The following ZNF512B variants were observed in gnomAD, a reference collection of about 807,000 sequenced individuals.
The protein encoded by ZNF512B is zinc finger protein 512B.
Under a neutral mutation model 87.8 loss-of-function variants are expected in ZNF512B, and 22 were observed. The observed-to-expected ratio is 0.25, with a 90% CI of 0.18 to 0.36. The LOEUF (loss-of-function observed/expected upper bound fraction) is 0.36. Ranked by LOEUF, ZNF512B falls within the 10% of genes least tolerant of loss-of-function variation. The pLI, the probability that ZNF512B is intolerant of heterozygous loss-of-function variation, is 1.00. For missense variants in ZNF512B, 1,060 were observed against 1,231.6 expected (o/e 0.86, Z 2.09); for synonymous variants, 524 against 490.9 (o/e 1.07, Z -0.89).
At position 63,959,894 on chromosome 20, in the gene ZNF512B, T is replaced by C; in HGVS notation, c.2673A>G (p.Glu891=). The change falls in exon 17 of 17, where the codon GAA becomes GAG. Residue 891 remains glutamate, a synonymous_variant. Coordinates refer to ENST00000369888, the MANE Select transcript of ZNF512B (RefSeq NM_020713.3). Reference sequence around the variant, plus strand: ...CAGGCCCCACGCACCATGCTCACTTTTCAGGCGCCTTGCTGACTCCCACCT... The same window carrying C: ...CAGGCCCCACGCACCATGCTCACTTCTCAGGCGCCTTGCTGACTCCCACCT... The part of the protein sequence containing the change: ...GRKVGVSKAP[E]K 3 of 1,585,796 alleles carry C rather than the reference T, an allele frequency of 1.9e-6. No homozygotes were observed. The highest frequency in any genetic ancestry group is 1.7e-6 in the Non-Finnish European group (2 of 1,170,310).
intron 12 of ZNF512B, 45 bp from the exon 13 acceptor site, chr20:63,962,826 AAG>A: frequency 6.5e-7 from 1 of 1,536,982 alleles, no homozygotes; most frequent in Non-Finnish European, 8.8e-7. Flanking sequence ...CCGCGGGAGC[AAG>A]AGTCAGGTCA....
chr20:63,960,008 T>G lies in ZNF512B; in HGVS notation c.2559A>C (p.Pro853=). 6.2e-7 allele frequency: 1 copy of G among 1,613,448 alleles called. No individual in the cohort carries two copies. The highest frequency in any genetic ancestry group is 8.5e-7 in the Non-Finnish European group (1 of 1,180,020). Residue 853 remains proline (P), a synonymous_variant, in exon 17 of 17, where the codon CCA becomes CCC. Coordinates refer to ENST00000369888, the MANE Select transcript of ZNF512B (RefSeq NM_020713.3). ...GGGGCAGCTTGGCCACAGGCTCCTC[T>G]GGGGTCCGCTCCTTGGGCTTTCGGC... ...KRGRKPKERT[P]EEPVAKLPPR...
Position 63,962,981 on chromosome 20 carries a change from G to A in ZNF512B, c.1968+114C>T, listed in dbSNP as rs1199857408. On this transcript the variant is annotated intron_variant, in intron 12 of 16. Coordinates refer to ENST00000369888, the MANE Select transcript of ZNF512B (RefSeq NM_020713.3). The stretch of plus-strand genomic sequence containing the variant: ...ACACACGTCTCTTACAGAGAGGGGT[G>A]GGAAACACACGCGTTGGGCGGTACA... The A allele has an allele frequency of 4.4e-6, 6 of 1,366,452 alleles. No homozygotes were observed. In the African/African-American group the frequency reaches 8.7e-5, roughly 20 times the overall value. 84.6% of individuals were successfully genotyped at this position (1,366,452 alleles called of 1,614,324 possible).
Position 63,969,876 on chromosome 20 carries a change from G to A in ZNF512B, c.-65C>T, listed in dbSNP as rs969205514. On this transcript the variant is annotated 5_prime_UTR_variant, in exon 1 of 17. Transcript: ENST00000369888. Reference sequence around the variant, plus strand: ...GGCCGGGGCGGGGGGCGCGGGGCGCGGGGCGCTGGGTCCGGGCGGCGCAGG... The same window carrying A: ...GGCCGGGGCGGGGGGCGCGGGGCGCAGGGCGCTGGGTCCGGGCGGCGCAGG... The A allele has an allele frequency of 4.8e-5, 7 of 145,966 alleles. No individual in the cohort carries two copies. The highest frequency in any genetic ancestry group is 4.1e-4 in the South Asian group (2 of 4,896). The allele number at this position is 145,966 out of a possible 1,614,324, so 9.0% of individuals were successfully genotyped here. A position where few individuals can be genotyped will look rare whatever the true frequency, so the allele number is the denominator to read the frequency against.
chr20:63,961,990 G>A lies in ZNF512B; in HGVS notation c.2280C>T (p.Ile760=), dbSNP rs1428881241. 1 of 1,551,066 alleles carries A rather than the reference G, an allele frequency of 6.4e-7. No homozygotes were observed. Among genetic ancestry groups the A allele is most frequent in the East Asian group, 2.4e-5 (1 of 40,918 alleles). Residue 760 remains isoleucine, a synonymous_variant, in exon 15 of 17, where the codon ATC becomes ATT. Transcript: ENST00000369888. The surrounding 1 kb of genome is among the most constrained non-coding windows in gnomAD (Gnocchi z 6.4). ...VNCPNDCCEA[I]YSSVSGLKAH... is the part of the protein sequence containing the mutation. Reference sequence around the variant, plus strand: ...CCTTGAGTCCGGACACGCTGGAGTAGATGGCTTCACAGCACTGCAGGGAAG... The same window carrying A: ...CCTTGAGTCCGGACACGCTGGAGTAAATGGCTTCACAGCACTGCAGGGAAG...
intron 14 of ZNF512B, 72 bp from the exon 15 acceptor site, chr20:63,962,076 C>T: frequency 6.7e-7 from 1 of 1,486,238 alleles, no homozygotes; most frequent in Non-Finnish European, 9.2e-7. Flanking sequence ...CTGCCCTACC[C>T]CAGGGGATCT....
chr20:63,969,416 G>T (rs1486948319), intron 1 of ZNF512B, among the ~76,000 whole-genome samples: 1 of 151,748 alleles, frequency 6.6e-6, no homozygotes, highest in Non-Finnish European at 1.5e-5. Context: ...CGCCAGCAGC[G>T]GGTCCGCCGC....
At position 63,966,349 on chromosome 20, in the gene ZNF512B, TGGGTTTGGTGACAGGTAC is replaced by T. The variant is rs777822829; in HGVS notation, c.808_825del (p.Val270_Pro275del). ...ACTGTCACAAGCTTTGTTACCGTAATGGGTTTGGTGACAGGTACGGGTTTGGTGACCGGCACAGACTTG... is the reference window on the plus strand; with the variant it reads ...ACTGTCACAAGCTTTGTTACCGTAATGGGTTTGGTGACCGGCACAGACTTG... On this transcript the variant is annotated inframe_deletion, in exon 5 of 17. Transcript: ENST00000369888. 44 of 1,593,542 alleles carry T rather than the reference TGGGTTTGGTGACAGGTAC, an allele frequency of 2.8e-5. No homozygotes were observed. In the African/African-American group the frequency reaches 5.5e-4, roughly 20 times the overall value.
chr20:63,962,962 G>T, intron 12 of ZNF512B, 133 bp downstream of exon 12: 2 of 1,307,510 alleles, frequency 1.5e-6, no homozygotes, highest in Non-Finnish European at 2.0e-6. Context: ...CAGGACACAC[G>T]TCTCTTACAG....
chr20:63,961,315 G>A lies in ZNF512B; in HGVS notation c.2421C>T (p.His807=), dbSNP rs779822463. The A allele has an allele frequency of 1.4e-5, 23 of 1,612,178 alleles. No homozygotes were observed. The highest frequency in any genetic ancestry group is 1.6e-4 in the Middle Eastern group (1 of 6,084). ...SGVKYHILKT[H]AENWFRTSAD... ...CTGGTGATGGCCCTCGCACCTCTGC[G>A]TGGGTCTTCAGGATGTGGTATTTGA... is the stretch of plus-strand genomic sequence containing the variant. Residue 807 remains histidine, a synonymous_variant, in exon 16 of 17, where the codon CAC becomes CAT. Transcript: ENST00000369888. This position sits in a 1 kb window ranked among gnomAD's most constrained non-coding sequence, Gnocchi z 6.4.
intron 14 of ZNF512B, 126 bp from the exon 15 acceptor site, chr20:63,962,130 C>T: frequency 1.6e-6 from 2 of 1,280,480 alleles, no homozygotes; most frequent in Non-Finnish European, 2.2e-6. Context: ...GTCCTGGGGA[C>T]TGGGCAGGCT....
Position 63,967,279 on chromosome 20 carries a change from C to A in ZNF512B, c.264+102G>T, listed in dbSNP as rs1011117336. 5.6e-5 allele frequency: 83 copies of A among 1,480,158 alleles called. No homozygotes were observed. The Middle Eastern group carries it at 1.0e-3, about 18-fold the overall frequency. 91.7% of individuals were successfully genotyped at this position (1,480,158 alleles called of 1,614,324 possible). ...CCAGGCCAGTGCCCACATCTTGAGGCATAGAGTTGGTACCAGATGTGCAGA... is the reference window on the plus strand; with the variant it reads ...CCAGGCCAGTGCCCACATCTTGAGGAATAGAGTTGGTACCAGATGTGCAGA... On this transcript the variant is annotated intron_variant, in intron 3 of 16. Transcript: ENST00000369888.
At position 63,964,637 on chromosome 20, in the gene ZNF512B, TGGA is replaced by T. The variant is rs1363025640; in HGVS notation, c.1111_1113del (p.Ser371del). Reference sequence around the variant, plus strand: ...AGCTGGAAGGCCGAGCTCTGGCCCATGGAGGAGGGGCCGTACTCCCCATTCTCT... The same window carrying T: ...AGCTGGAAGGCCGAGCTCTGGCCCATGGAGGGGCCGTACTCCCCATTCTCT... On this transcript the variant is annotated inframe_deletion, in exon 6 of 17. Transcript: ENST00000369888. The T allele has an allele frequency of 5.6e-6, 9 of 1,612,542 alleles. No individual in the cohort carries two copies. The highest frequency in any genetic ancestry group is 3.3e-5 in the Admixed American group (2 of 59,978).
In ZNF512B at chr20:63,963,399, C is replaced by T; in HGVS notation, c.1740G>A (p.Glu580=). ...TCAGCACCTTGCGCAGCCTCTCGCGCTCCTCCTGCTCGCCCCCTTCGGAGG... is the reference window on the plus strand; with the variant it reads ...TCAGCACCTTGCGCAGCCTCTCGCGTTCCTCCTGCTCGCCCCCTTCGGAGG... ...AEASEGGEQE[E]RERLRKVLKQ... Residue 580 remains glutamate, a synonymous_variant, in exon 11 of 17, where the codon GAG becomes GAA. Coordinates refer to ENST00000369888, the MANE Select transcript of ZNF512B (RefSeq NM_020713.3). 1 of 1,548,974 alleles carries T rather than the reference C, an allele frequency of 6.5e-7. No homozygotes were observed. Among genetic ancestry groups the T allele is most frequent in the Non-Finnish European group, 8.7e-7 (1 of 1,152,126 alleles).
chr20:63,960,055 G>T lies in ZNF512B; in HGVS notation c.2512C>A (p.Leu838Met). Reference sequence around the variant, plus strand: ...CGGCCCCGCTTCTTTCCACCTGCCAGATTTTTCTTCTTTTCCTTCTTGGGC... The same window carrying T: ...CGGCCCCGCTTCTTTCCACCTGCCATATTTTTCTTCTTTTCCTTCTTGGGC... ...LVPKKEKKKN[L>M]AGGKKRGRKP... The change falls in exon 17 of 17, where the codon CTG becomes ATG. Residue 838 changes from leucine to methionine, a missense_variant. Physicochemically the swap from Leu to Met is conservative, Grantham distance 15. Transcript: ENST00000369888. The T allele has an allele frequency of 1.2e-6, 2 of 1,614,008 alleles. No individual in the cohort carries two copies. The highest frequency in any genetic ancestry group is 1.7e-6 in the Non-Finnish European group (2 of 1,180,026).
chr20:63,967,085 C>A, intron 3 of ZNF512B, 81 bp from the exon 4 acceptor site: 1 of 1,589,648 alleles, frequency 6.3e-7, no homozygotes, highest in African/African-American at 1.3e-5. Flanking sequence ...CAGAGCCCCC[C>A]CGGGCCTGCA....
chr20:63,966,907 C>G lies in ZNF512B; in HGVS notation c.362G>C (p.Gly121Ala). 6.2e-7 allele frequency: 1 copy of G among 1,613,860 alleles called. No individual in the cohort carries two copies. Among genetic ancestry groups the G allele is most frequent in the Non-Finnish European group, 8.5e-7 (1 of 1,180,014 alleles). Residue 121 changes from glycine to alanine, a missense_variant, in exon 4 of 17, where the codon GGG becomes GCG. Physicochemically the swap from Gly to Ala is moderately conservative, Grantham distance 60 (BLOSUM62 0). Coordinates refer to ENST00000369888, the MANE Select transcript of ZNF512B (RefSeq NM_020713.3). Reference protein sequence around the residue: ...GCWLEFPSIYGLKYHYQRCQG... With the variant: ...GCWLEFPSIYALKYHYQRCQG... ...GCACCGCTGGTAATGGTACTTGAGC[C>G]CGTAGATGCTGGGGAACTCCAGCCA...
rs1352782613 is a variant in ZNF512B at position 63,957,717 on chromosome 20, G to GT, written c.*2170_*2171insA. ...TCTTCTCCCCAAGGGCCAAGTACCT[G>GT]AGAGGCTGGGGCAGGCACCACACCC... is the stretch of plus-strand genomic sequence containing the variant. On this transcript the variant is annotated 3_prime_UTR_variant, in exon 17 of 17. Transcript: ENST00000369888. 1.3e-5 allele frequency: 2 copies of GT among 152,552 alleles called. No individual in the cohort carries two copies. Among genetic ancestry groups the GT allele is most frequent in the African/African-American group, 2.4e-5 (1 of 41,424 alleles). 9.4% of individuals were successfully genotyped at this position (152,552 alleles called of 1,614,324 possible). A position where few individuals can be genotyped will look rare whatever the true frequency, so the allele number is the denominator to read the frequency against.
intron 14 of ZNF512B, 105 bp downstream of exon 14, chr20:63,962,168 G>A: frequency 1.5e-6 from 2 of 1,353,162 alleles, no homozygotes; most frequent in Non-Finnish European, 2.0e-6. Context: ...GGTGGGCTTG[G>A]GCACCTCCTG....
Sources: allele counts gnomAD v4.1 joint callset (sites outside exome capture counted in the v4.1 genomes callset), GRCh38; gene constraint gnomAD v4.1.1; non-coding constraint Gnocchi (gnomAD v3.1); transcripts MANE v1.5; gene names NCBI Gene and HGNC (gene_info 2026-07-23, HGNC 2026-07-21).